INTS7: variants seen among roughly 807,000 people sequenced by gnomAD.
INTS7 encodes integrator complex subunit 7, also known as chromosome 1 open reading frame 73.
INTS7 carries 46 observed loss-of-function variants against 109.2 expected under a neutral mutation model. That is an observed-to-expected ratio of 0.42 (90% confidence interval 0.33 to 0.54). The LOEUF (loss-of-function observed/expected upper bound fraction) is 0.54. INTS7 is among the 20% of genes least tolerant of loss of function. The pLI, the probability that INTS7 is intolerant of heterozygous loss-of-function variation, is 0.07. For missense variants in INTS7, 929 were observed against 1,132.4 expected (o/e 0.82, Z 2.58); for synonymous variants, 412 against 402.9 (o/e 1.02, Z -0.27).
rs1368412598 is a variant in INTS7 at position 212,035,513 on chromosome 1, G to T, written c.-76C>A. 2.7e-6 allele frequency: 3 copies of T among 1,119,784 alleles called. No individual in the cohort carries two copies. Among genetic ancestry groups the T allele is most frequent in the Non-Finnish European group, 4.1e-6 (3 of 734,578 alleles). 69.4% of individuals were successfully genotyped at this position (1,119,784 alleles called of 1,614,324 possible). On this transcript the variant is annotated 5_prime_UTR_variant, in exon 1 of 20. Coordinates refer to ENST00000366994, the MANE Select transcript of INTS7 (RefSeq NM_015434.4). The stretch of plus-strand genomic sequence containing the variant: ...CCCAGGACCGCCATCTTCCCCCGCC[G>T]CCTTCTTGCTGGTTTTTCTTCCGCG...
At chr1:211,944,638 G>T in intron 19 of INTS7, 146 bp downstream of exon 19, 1 of 651,118 alleles carries the variant, frequency 1.5e-6, no homozygotes, top group East Asian at 2.7e-5. Flanking sequence ...ACCCCTTACA[G>T]CCCCAATGTG....
At position 211,959,088 on chromosome 1, in the gene INTS7, G is replaced by A. The variant is rs1477208768; in HGVS notation, c.2184-6387C>T. Reference sequence around the variant, plus strand: ...CTGGAATCCTGGCAGGAGATTCCTCGACCACTATGGACACTTGAGTTGGCA... The same window carrying A: ...CTGGAATCCTGGCAGGAGATTCCTCAACCACTATGGACACTTGAGTTGGCA... On this transcript the variant is annotated intron_variant, in intron 16 of 19. Coordinates refer to ENST00000366994, the MANE Select transcript of INTS7 (RefSeq NM_015434.4). This position sits in a 1 kb window ranked among gnomAD's most constrained non-coding sequence, Gnocchi z 4.2. Among the ~76,000 whole-genome samples, 1 of 152,126 alleles carries A rather than the reference G, an allele frequency of 6.6e-6. No homozygotes were observed. Among genetic ancestry groups the A allele is most frequent in the Non-Finnish European group, 1.5e-5 (1 of 68,014 alleles).
At chr1:212,027,400 T>A (rs116377193) in intron 1 of INTS7, among the ~76,000 whole-genome samples, 188 of 152,266 alleles carry the variant, frequency 1.2e-3, no homozygotes, top group African/African-American at 4.3e-3. Flanking sequence ...AATACTACTG[T>A]AAGCCCAGAG....
At position 212,023,627 on chromosome 1, in the gene INTS7, ATAGACTC is replaced by A. The variant is rs137904114; in HGVS notation, c.95-2422_95-2416del. Among the ~76,000 whole-genome samples, 203 of 152,200 alleles carry A rather than the reference ATAGACTC, an allele frequency of 1.3e-3. No homozygotes were observed. In the East Asian group the frequency reaches 0.032, roughly 24 times the overall value. The stretch of plus-strand genomic sequence containing the variant: ...TTTTGCTTGTTGAATTAAGTTCCTT[ATAGACTC>A]TAGATATTACACCTTTGTCACATGC... On this transcript the variant is annotated intron_variant, in intron 1 of 19. Transcript: ENST00000366994.
chr1:212,020,352 T>C (rs1267629017), intron 2 of INTS7, 84 bp from the exon 3 acceptor site: 1 of 787,028 alleles, frequency 1.3e-6, no homozygotes, highest in Non-Finnish European at 2.0e-6. Flanking sequence ...TATTAAATTT[T>C]AGCAACACAC....
At position 211,952,555 on chromosome 1, in the gene INTS7, CA is replaced by C; in HGVS notation, c.2316+13del. On this transcript the variant is annotated intron_variant, in intron 17 of 19. Transcript: ENST00000366994. ...TCCATACAATAAAAGCTCAATAAAACAAATGCCACTTGCCATATAAGAAACA... is the reference window on the plus strand; with the variant it reads ...TCCATACAATAAAAGCTCAATAAAACAATGCCACTTGCCATATAAGAAACA... 6.2e-7 allele frequency: 1 copy of C among 1,609,552 alleles called. No homozygotes were observed.
chr1:211,976,711 C>T lies in INTS7; in HGVS notation c.1479G>A (p.Leu493=). 1 of 1,613,916 alleles carries T rather than the reference C, an allele frequency of 6.2e-7. No individual in the cohort carries two copies. Among genetic ancestry groups the T allele is most frequent in the Non-Finnish European group, 8.5e-7 (1 of 1,179,858 alleles). The change falls in exon 12 of 20, where the codon TTG becomes TTA. Residue 493 remains leucine, a synonymous_variant. Coordinates refer to ENST00000366994, the MANE Select transcript of INTS7 (RefSeq NM_015434.4). ...TDKQQELLVS[L]ATVIFVASQK... The stretch of plus-strand genomic sequence containing the variant: ...GACTTGCAACAAAAATCACAGTAGC[C>T]AAACTCACCTAACATTGGGCAAGAA...
chr1:212,019,258 A>T (rs551102194), intron 3 of INTS7, among the ~76,000 whole-genome samples: 79 of 152,252 alleles, frequency 5.2e-4, no homozygotes, highest in African/African-American at 1.3e-3. Context: ...CTCAATAAAT[A>T]AATTAATTAA....
At chr1:211,964,752 G>A (rs1426010713) in intron 16 of INTS7, among the ~76,000 whole-genome samples, 2 of 152,144 alleles carry the variant, frequency 1.3e-5, no homozygotes, top group Non-Finnish European at 2.9e-5. Flanking sequence ...ATGGTGCTGG[G>A]ATAACCGATG....
intron 9 of INTS7, 47 bp from the exon 10 acceptor site, chr1:211,981,237 C>T (rs771401726): frequency 3.5e-6 from 4 of 1,135,456 alleles, no homozygotes; most frequent in African/African-American, 1.5e-5. Flanking sequence ...GATGTGTGTA[C>T]AAACACACAC....
intron 19 of INTS7, among the ~76,000 whole-genome samples, chr1:211,943,357 T>C (rs141839171): frequency 7.2e-5 from 11 of 152,126 alleles, no homozygotes; most frequent in African/African-American, 2.6e-4. Context: ...GTTATTTTCT[T>C]AACAGTAGAA....
chr1:212,009,045 G>A (rs1666055409), intron 5 of INTS7, among the ~76,000 whole-genome samples: 1 of 152,074 alleles, frequency 6.6e-6, no homozygotes. Context: ...AGGGATCTTT[G>A]TGTTTACAGG....
At chr1:211,967,857 A>T (rs1166572939) in intron 15 of INTS7, 21 bp downstream of exon 15, 2 of 1,351,226 alleles carry the variant, frequency 1.5e-6, no homozygotes, top group East Asian at 2.3e-5. Flanking sequence ...AACAAGAAGT[A>T]CTAGGGCAAG....
rs192419917 is a variant in INTS7, at chr1:212,008,457, G to A, written c.557-1008C>T. Among the ~76,000 whole-genome samples, 137 of 152,010 alleles carry A rather than the reference G, an allele frequency of 9.0e-4. 1 individual carries two copies. The highest frequency in any genetic ancestry group is 2.7e-3 in the African/African-American group (111 of 41,448). ...CTTTGTAGTCTCCTTGTCTGTCTAC[G>A]CTTTAATTTCTGATATTCCCATAGG... On this transcript the variant is annotated intron_variant, in intron 5 of 19. Transcript: ENST00000366994.
In INTS7 at chr1:211,978,473, C is replaced by T. The variant is rs767236057; in HGVS notation, c.1269G>A (p.Arg423=). Residue 423 remains arginine, a synonymous_variant, in exon 11 of 20, where the codon AGG becomes AGA. Transcript: ENST00000366994. ...CAACTACTGACTGGCTAAGATGGGG[C>T]CTGCCCTTGGCCAACTTCACCATAC... ...LNCMVKLAKG[R]PHLSQSVVET... The T allele has an allele frequency of 3.1e-6, 5 of 1,614,158 alleles. No homozygotes were observed. Among genetic ancestry groups the T allele is most frequent in the Admixed American group, 1.7e-5 (1 of 59,998 alleles).
chr1:211,947,729 C>CA (rs1300436229), intron 17 of INTS7, among the ~76,000 whole-genome samples: 3 of 152,194 alleles, frequency 2.0e-5, no homozygotes, highest in African/African-American at 4.8e-5. Context: ...ATCAGCTAGT[C>CA]AGACTCGCAT....
intron 1 of INTS7, among the ~76,000 whole-genome samples, chr1:212,024,253 GT>G (rs1301734270): frequency 6.6e-6 from 1 of 152,004 alleles, no homozygotes; most frequent in East Asian, 1.9e-4. Context: ...GAAAAATGAT[GT>G]TGATAGTTTG....
At chr1:212,011,318 A>G in intron 5 of INTS7, 57 bp downstream of exon 5, 2 of 895,332 alleles carry the variant, frequency 2.2e-6, no homozygotes, top group Non-Finnish European at 3.6e-6. Context: ...AATTAGTGTT[A>G]GCAACTATTA....
intron 1 of INTS7, among the ~76,000 whole-genome samples, chr1:212,028,339 A>C (rs960574777): frequency 1.2e-4 from 18 of 152,364 alleles, no homozygotes; most frequent in African/African-American, 3.6e-4. Context: ...TGGTTTTAGA[A>C]AAGTAAAAGA....
Sources: gnomAD v4.1 joint callset for allele counts (sites outside exome capture counted in the v4.1 genomes callset) on GRCh38, gnomAD v4.1.1 for gene constraint, Gnocchi (gnomAD v3.1) non-coding constraint, MANE v1.5 for transcripts, NCBI Gene and HGNC (gene_info 2026-07-23, HGNC 2026-07-21) for gene names.